Variants in PDE10A observed in about 807,000 individuals in gnomAD.
PDE10A encodes the protein phosphodiesterase 10A, also known as cAMP and cAMP-inhibited cGMP 3',5'-cyclic phosphodiesterase 10A.
Under a neutral mutation model 97.7 loss-of-function variants are expected in PDE10A, and 39 were observed. The ratio of observed to expected loss-of-function variants is 0.40; its 90% CI spans 0.31 to 0.52. The LOEUF is 0.52. Ranked by LOEUF, PDE10A falls within the 20% of genes least tolerant of loss-of-function variation. The pLI is 0.56. For synonymous variants in PDE10A, 371 were observed against 376.8 expected (o/e 0.98, Z 0.18); for missense variants, 731 against 1,047.8 (o/e 0.70, Z 4.17).
At chr6:165,883,191 G>A (rs1393088895) in intron 1 of PDE10A, among the ~76,000 whole-genome samples, 6 of 152,118 alleles carry the variant, frequency 3.9e-5, no homozygotes, top group Admixed American at 2.0e-4. Flanking sequence ...AGCCAAGATC[G>A]TGCCACTGCA....
At chr6:165,863,168 C>T (rs1264166095) in intron 1 of PDE10A, among the ~76,000 whole-genome samples, 1 of 152,196 alleles carries the variant, frequency 6.6e-6, no homozygotes, top group Non-Finnish European at 1.5e-5. Flanking sequence ...CTGCCAACCA[C>T]ACCGTGAGGA....
At chr6:165,687,480 C>G (rs1562684822) in intron 1 of PDE10A, among the ~76,000 whole-genome samples, 1 of 152,190 alleles carries the variant, frequency 6.6e-6, no homozygotes, top group Non-Finnish European at 1.5e-5. Flanking sequence ...CAGAGACAGA[C>G]TTTAACTATT....
chr6:165,794,815 G>A (rs892000031), intron 1 of PDE10A, among the ~76,000 whole-genome samples: 9 of 152,166 alleles, frequency 5.9e-5, no homozygotes, highest in East Asian at 3.8e-4. Context: ...TGACTTTATC[G>A]TTTAATTTTA....
chr6:165,394,872 AGTAAC>A (rs1307349541), intron 15 of PDE10A, among the ~76,000 whole-genome samples: 1 of 152,150 alleles, frequency 6.6e-6, no homozygotes, highest in Non-Finnish European at 1.5e-5. Flanking sequence ...TCTTGTCAGT[AGTAAC>A]CCCTGTCTCT....
chr6:165,342,629 G>A (rs1008158583), intron 19 of PDE10A, among the ~76,000 whole-genome samples: 2 of 152,198 alleles, frequency 1.3e-5, no homozygotes, highest in African/African-American at 4.8e-5. Flanking sequence ...TGAATTATCA[G>A]CTGCTTTGTC....
At chr6:165,691,511 A>G (rs1791296117) in intron 1 of PDE10A, among the ~76,000 whole-genome samples, 1 of 151,766 alleles carries the variant, frequency 6.6e-6, no homozygotes, top group Non-Finnish European at 1.5e-5. Flanking sequence ...ATCGCCTGAT[A>G]ACACATTTCT....
At chr6:165,736,045 A>T (rs1474609747) in intron 1 of PDE10A, among the ~76,000 whole-genome samples, 1 of 152,244 alleles carries the variant, frequency 6.6e-6, no homozygotes, top group Non-Finnish European at 1.5e-5. Context: ...ATTCAGGAGT[A>T]ATGGCAAAAT....
chr6:165,571,154 T>C (rs1168369582), intron 1 of PDE10A, among the ~76,000 whole-genome samples: 1 of 152,252 alleles, frequency 6.6e-6, no homozygotes, highest in South Asian at 2.1e-4. Context: ...TTCATTATTT[T>C]GATCCCATCT....
intron 1 of PDE10A, among the ~76,000 whole-genome samples, chr6:165,669,511 T>C (rs774848453): frequency 6.6e-6 from 1 of 152,180 alleles, no homozygotes; most frequent in Non-Finnish European, 1.5e-5. Context: ...TACATGTAAA[T>C]AGTAATTGAT....
intron 8 of PDE10A, among the ~76,000 whole-genome samples, chr6:165,431,198 T>C (rs562972803): frequency 1.3e-5 from 2 of 151,584 alleles, no homozygotes; most frequent in South Asian, 4.2e-4. Context: ...ATTTTATATA[T>C]AGATATATAT....
chr6:165,621,298 CA>C (rs201406861), intron 1 of PDE10A, among the ~76,000 whole-genome samples: 5,351 of 138,182 alleles, frequency 0.039, 306 homozygotes, highest in African/African-American at 0.13. Flanking sequence ...TTTAAGCTTT[CA>C]AAAAAAAAAA....
intron 10 of PDE10A, among the ~76,000 whole-genome samples, chr6:165,424,557 C>T (rs220808): frequency 0.66 from 99,795 of 151,886 alleles, 33,008 homozygotes; most frequent in Middle Eastern, 0.83. Flanking sequence ...ATAATATGTA[C>T]ATTATTTAAA....
chr6:165,880,564 C>T (rs1781446007), intron 1 of PDE10A, among the ~76,000 whole-genome samples: 1 of 152,146 alleles, frequency 6.6e-6, no homozygotes, highest in Admixed American at 6.6e-5. Flanking sequence ...TTTTTTCTAA[C>T]CATACATTTT....
At chr6:165,523,732 T>A (rs559458030) in intron 2 of PDE10A, among the ~76,000 whole-genome samples, 2 of 152,288 alleles carry the variant, frequency 1.3e-5, no homozygotes, top group South Asian at 4.1e-4. Flanking sequence ...GACTCAGTTT[T>A]CAAAAGTAAT....
chr6:165,865,203 A>C (rs1484474110), intron 1 of PDE10A, among the ~76,000 whole-genome samples: 1 of 152,224 alleles, frequency 6.6e-6, no homozygotes, highest in African/African-American at 2.4e-5. Flanking sequence ...AATACAACTG[A>C]AGAAATCACA....
intron 1 of PDE10A, among the ~76,000 whole-genome samples, chr6:165,905,338 TATTAA>T (rs1782230802): frequency 1.3e-5 from 2 of 152,192 alleles, no homozygotes; most frequent in Admixed American, 1.3e-4. Context: ...TAGTAGACAA[TATTAA>T]ATTGTTATTT....
At chr6:165,476,238 A>C (rs1394706813) in intron 3 of PDE10A, among the ~76,000 whole-genome samples, 1 of 152,238 alleles carries the variant, frequency 6.6e-6, no homozygotes, top group Admixed American at 6.5e-5. Context: ...CGAATTTGGG[A>C]TGTCGTGTGA....
intron 14 of PDE10A, among the ~76,000 whole-genome samples, chr6:165,396,054 C>A (rs1484291236): frequency 6.6e-6 from 1 of 152,156 alleles, no homozygotes; most frequent in Non-Finnish European, 1.5e-5. Context: ...ATGCAACAGA[C>A]TAATGAGAAA....
At position 165,610,976 on chromosome 6, in the gene PDE10A, C is replaced by T. The variant is rs79768646; in HGVS notation, c.865+50971G>A. On this transcript the variant is annotated intron_variant, in intron 1 of 21. Coordinates refer to ENST00000539869, the MANE Select transcript of PDE10A (RefSeq NM_001385079.1). Reference sequence around the variant, plus strand: ...TAGTCTACCTTAAAAGCCTTCCAATCGGGAGAGTTGCGAGTCTACGTCAGC... The same window carrying T: ...TAGTCTACCTTAAAAGCCTTCCAATTGGGAGAGTTGCGAGTCTACGTCAGC... 2.6e-5 allele frequency among the ~76,000 whole-genome samples: 4 copies of T among 152,020 alleles called. No individual in the cohort carries two copies. The South Asian group carries it at 8.3e-4, about 32-fold the overall frequency.
Sources: allele counts gnomAD v4.1 joint callset (sites outside exome capture counted in the v4.1 genomes callset), GRCh38; gene constraint gnomAD v4.1.1; transcripts MANE v1.5; gene names NCBI Gene and HGNC (gene_info 2026-07-23, HGNC 2026-07-21).